TUSC3: variants seen among roughly 807,000 people sequenced by gnomAD.
The protein encoded by TUSC3 is dolichyl-diphosphooligosaccharide--protein glycosyltransferase subunit TUSC3.
TUSC3 carries 45 observed loss-of-function variants against 44.8 expected under a neutral mutation model. The ratio of observed to expected loss-of-function variants is 1.00; its 90% CI spans 0.79 to 1.29. The LOEUF (loss-of-function observed/expected upper bound fraction) is 1.29, where lower values mean the gene tolerates loss of function less well. TUSC3 is among the 50% of genes most tolerant of loss of function. The pLI is 0.00. For missense variants in TUSC3, 519 were observed against 437.9 expected, an observed-to-expected ratio of 1.19 and a Z score of -1.65; for synonymous variants, 212 against 152.9, an observed-to-expected ratio of 1.39 and a Z score of -2.85.
chr8:15,433,557 C>A (rs1287449867), intron 1 of TUSC3, among the ~76,000 whole-genome samples: 1 of 151,968 alleles, frequency 6.6e-6, no homozygotes. Flanking sequence ...CATATAACAG[C>A]CCCTTCACAC....
intron 1 of TUSC3, among the ~76,000 whole-genome samples, chr8:15,600,016 T>C (rs567680943): frequency 9.2e-5 from 14 of 151,918 alleles, no homozygotes; most frequent in Admixed American, 4.6e-4. Flanking sequence ...AAGACAGTTT[T>C]ATTTCTTCTT....
chr8:15,664,547 T>A (rs1357803382), intron 5 of TUSC3, among the ~76,000 whole-genome samples: 1 of 149,376 alleles, frequency 6.7e-6, no homozygotes, highest in South Asian at 2.1e-4. Context: ...AATTCTAAGA[T>A]ACCTTGGCAG....
In TUSC3 at chr8:15,616,052, G is replaced by A. The variant is rs538163106; in HGVS notation, c.139-7028G>A. Reference sequence around the variant, plus strand: ...CCTCACTGTGCTGCAGTCCAGGCTGGTGTAGGAATAAGTTCTAATGGTCGA... The same window carrying A: ...CCTCACTGTGCTGCAGTCCAGGCTGATGTAGGAATAAGTTCTAATGGTCGA... On this transcript the variant is annotated intron_variant, in intron 1 of 10. Transcript: ENST00000503731. Among the ~76,000 whole-genome samples, 10 of 152,248 alleles carry A rather than the reference G, an allele frequency of 6.6e-5. 1 individual carries two copies. The South Asian group carries it at 1.4e-3, about 22-fold the overall frequency.
chr8:15,562,123 G>T (rs1485417870), intron 1 of TUSC3, among the ~76,000 whole-genome samples: 1 of 152,172 alleles, frequency 6.6e-6, no homozygotes, highest in Admixed American at 6.5e-5. Flanking sequence ...TAGCTTCAGA[G>T]ATCTTGGAGA....
intron 2 of TUSC3, among the ~76,000 whole-genome samples, chr8:15,648,711 G>A (rs1806741594): frequency 1.1e-5 from 1 of 93,528 alleles, no homozygotes; most frequent in East Asian, 4.5e-4. Flanking sequence ...GGGTGACAGA[G>A]CAAGACTCTG....
intron 6 of TUSC3, among the ~76,000 whole-genome samples, chr8:15,727,394 CTGTAATTTG>C (rs1365031561): frequency 6.6e-6 from 1 of 152,110 alleles, no homozygotes; most frequent in Non-Finnish European, 1.5e-5. Flanking sequence ...ATTTGTGTAG[CTGTAATTTG>C]TGTAATTTGT....
upstream of TUSC3, among the ~76,000 whole-genome samples, chr8:15,537,101 A>C (rs533583462): frequency 9.2e-5 from 14 of 152,046 alleles, no homozygotes; most frequent in South Asian, 2.9e-3. Context: ...AGAGCCAGGC[A>C]CCCTTTTAGG....
chr8:15,459,027 C>T (rs948093806), intron 1 of TUSC3, among the ~76,000 whole-genome samples: 3 of 152,134 alleles, frequency 2.0e-5, no homozygotes, highest in Admixed American at 6.5e-5. Flanking sequence ...TAGTTAACCC[C>T]CTTTTATGAT....
At chr8:15,733,165 T>C (rs1277456852) in intron 7 of TUSC3, among the ~76,000 whole-genome samples, 1 of 152,202 alleles carries the variant, frequency 6.6e-6, no homozygotes, top group African/African-American at 2.4e-5. Context: ...TTTGTGTATA[T>C]GTTTATAGAC....
At chr8:15,688,430 C>CTTTTTTTTTTTTTTT (rs11383982) in intron 6 of TUSC3, among the ~76,000 whole-genome samples, 2 of 141,302 alleles carry the variant, frequency 1.4e-5, no homozygotes, top group Non-Finnish European at 3.0e-5. Flanking sequence ...CTTCAGTATT[C>CTTTTTTTTTTTTTTT]TTTTTTTTTT....
chr8:15,616,070 A>G (rs1160410386), intron 1 of TUSC3, among the ~76,000 whole-genome samples: 1 of 152,306 alleles, frequency 6.6e-6, no homozygotes. Flanking sequence ...ATAAGTTCTA[A>G]TGGTCGATAA....
In TUSC3 at chr8:15,715,664, A is replaced by AGG. The variant is rs546488962; in HGVS notation, c.799-14997_799-14996dup. Among the ~76,000 whole-genome samples the AGG allele has an allele frequency of 2.3e-3, 355 of 152,116 alleles. 2 individuals carry two copies. Among genetic ancestry groups the AGG allele is most frequent in the African/African-American group, 8.2e-3 (341 of 41,484 alleles). On this transcript the variant is annotated intron_variant, in intron 6 of 10. Transcript: ENST00000503731. ...ACCACAGAAAGTAAAACCAAAGATA[A>AGG]GGGGGGACTACTATGCATTTCCTGA...
chr8:15,591,356 A>G (rs1176447488), intron 1 of TUSC3, among the ~76,000 whole-genome samples: 1 of 152,076 alleles, frequency 6.6e-6, no homozygotes, highest in African/African-American at 2.4e-5. Flanking sequence ...GCTTTCTCCT[A>G]TAAAACATGT....
intron 6 of TUSC3, among the ~76,000 whole-genome samples, chr8:15,716,155 C>G (rs1301641125): frequency 6.6e-6 from 1 of 152,044 alleles, no homozygotes; most frequent in Non-Finnish European, 1.5e-5. Flanking sequence ...ACTCGGGAGG[C>G]TGAGGCAGGA....
chr8:15,423,398 C>T (rs1799762196), intron 1 of TUSC3, among the ~76,000 whole-genome samples: 1 of 152,142 alleles, frequency 6.6e-6, no homozygotes, highest in Admixed American at 6.5e-5. Flanking sequence ...CGGATACTGT[C>T]TCCTAGATTT....
chr8:15,540,305 C>A lies in TUSC3; in HGVS notation c.-126C>A. On this transcript the variant is annotated 5_prime_UTR_variant, in exon 1 of 11. Coordinates refer to ENST00000503731, the MANE Select transcript of TUSC3 (RefSeq NM_006765.4). Reference sequence around the variant, plus strand: ...CCTCGGCCGCGGCCCGGGTCCCTCGCAAAGCCGCTGCCATCCCGGAGGGCC... The same window carrying A: ...CCTCGGCCGCGGCCCGGGTCCCTCGAAAAGCCGCTGCCATCCCGGAGGGCC... 7.6e-7 allele frequency: 1 copy of A among 1,313,812 alleles called. No individual in the cohort carries two copies. Among genetic ancestry groups the A allele is most frequent in the Non-Finnish European group, 9.8e-7 (1 of 1,020,912 alleles). 81.4% of individuals were successfully genotyped at this position (1,313,812 alleles called of 1,614,324 possible).
At chr8:15,815,931 A>G in the TUSC3 span, among the ~76,000 whole-genome samples, 1 of 152,168 alleles carries the variant, frequency 6.6e-6, no homozygotes, top group East Asian at 1.9e-4. Context: ...GTAAGTGCCA[A>G]CGAGGGCCCA....
chr8:15,647,474 A>G (rs1244431791), intron 2 of TUSC3, among the ~76,000 whole-genome samples: 2 of 152,086 alleles, frequency 1.3e-5, no homozygotes, highest in Admixed American at 6.5e-5. Flanking sequence ...TCTGATTTTA[A>G]TGATTACTTA....
the TUSC3 span, among the ~76,000 whole-genome samples, chr8:15,792,770 C>T: frequency 6.6e-6 from 1 of 151,960 alleles, no homozygotes; most frequent in African/African-American, 2.4e-5. Context: ...TGTGCATCAC[C>T]ACCACAACCA....
Sources: gnomAD v4.1 joint callset for allele counts (sites outside exome capture counted in the v4.1 genomes callset) on GRCh38, gnomAD v4.1.1 for gene constraint, MANE v1.5 for transcripts, NCBI Gene and HGNC (gene_info 2026-07-23, HGNC 2026-07-21) for gene names.